UBE2L3: variants seen among roughly 807,000 people sequenced by gnomAD.
The protein encoded by UBE2L3 is ubiquitin-conjugating enzyme E2 L3.
A neutral mutation model predicts 17.8 loss-of-function variants in UBE2L3; 1 was observed. That is an observed-to-expected ratio of 0.06 (90% CI 0.02 to 0.27). The LOEUF (loss-of-function observed/expected upper bound fraction) is 0.27. Among genes scored for constraint, UBE2L3 ranks in the 10% least tolerant of loss-of-function variants. The pLI, the probability that UBE2L3 is intolerant of heterozygous loss-of-function variation, is 1.00. For missense variants in UBE2L3, 40 were observed against 192.6 expected, an observed-to-expected ratio of 0.21 and a Z score of 4.69; for synonymous variants, 44 against 68.5, an observed-to-expected ratio of 0.64 and a Z score of 1.76.
At chr22:21,558,719 A>G (rs1237826946) in intron 1 of UBE2L3, among the ~76,000 whole-genome samples, 4 of 151,912 alleles carry the variant, frequency 2.6e-5, no homozygotes, top group East Asian at 2.0e-4. Context: ...CAAACTCTTA[A>G]TCTCGAGTGA....
intron 1 of UBE2L3, among the ~76,000 whole-genome samples, 167 bp from the exon 2 acceptor site, chr22:21,592,694 T>C (rs1928328918): frequency 2.6e-5 from 4 of 152,200 alleles, no homozygotes. Context: ...GGGACCGCCA[T>C]GGCAGCTCCA....
intron 1 of UBE2L3, among the ~76,000 whole-genome samples, chr22:21,571,675 T>C (rs901343131): frequency 6.6e-6 from 1 of 152,234 alleles, no homozygotes; most frequent in African/African-American, 2.4e-5. Context: ...GTGCTGGGAT[T>C]ACAGGTGTGA....
intron 1 of UBE2L3, among the ~76,000 whole-genome samples, chr22:21,591,997 T>C (rs1458741179): frequency 6.6e-6 from 1 of 152,100 alleles, no homozygotes; most frequent in East Asian, 1.9e-4. Flanking sequence ...CACTGAGATG[T>C]TGGAGGCAAT....
At chr22:21,577,646 T>A (rs1927388747) in intron 1 of UBE2L3, among the ~76,000 whole-genome samples, 1 of 152,230 alleles carries the variant, frequency 6.6e-6, no homozygotes. Flanking sequence ...TTTAGATGGT[T>A]GCTTTTGGTC....
rs1374261468 is a variant in UBE2L3 at position 21,584,688 on chromosome 22, A to C, written c.28-8173A>C. Among the ~76,000 whole-genome samples, 6 of 149,474 alleles carry C rather than the reference A, an allele frequency of 4.0e-5. No individual in the cohort carries two copies. In the East Asian group the frequency reaches 6.3e-4, roughly 16 times the overall value. On this transcript the variant is annotated intron_variant, in intron 1 of 3. Coordinates refer to ENST00000342192, the MANE Select transcript of UBE2L3 (RefSeq NM_003347.4). ...CTCAAGTGATTTTCCCGCTTCGGCA[A>C]CCCAAAGTGCTGGGATTACAGGAGC...
intron 1 of UBE2L3, among the ~76,000 whole-genome samples, chr22:21,577,247 C>T (rs1265460591): frequency 1.3e-5 from 2 of 151,950 alleles, no homozygotes; most frequent in South Asian, 2.1e-4. Flanking sequence ...GTATTACAGG[C>T]GTGAGCCACC....
At chr22:21,604,053 A>T (rs756613186) in intron 2 of UBE2L3, among the ~76,000 whole-genome samples, 39 of 152,094 alleles carry the variant, frequency 2.6e-4, no homozygotes, top group Non-Finnish European at 4.6e-4. Context: ...CTGGAGTTTA[A>T]GTTTTTGAAC....
chr22:21,576,826 C>T (rs566526876), intron 1 of UBE2L3, among the ~76,000 whole-genome samples: 82 of 108,608 alleles, frequency 7.6e-4, no homozygotes, highest in Non-Finnish European at 1.2e-3. Flanking sequence ...TTTTTTGAGA[C>T]GCAGTCTCGC....
intron 1 of UBE2L3, among the ~76,000 whole-genome samples, chr22:21,562,615 C>T (rs1209230814): frequency 6.6e-6 from 1 of 151,426 alleles, no homozygotes; most frequent in African/African-American, 2.4e-5. Flanking sequence ...TCATGATCTG[C>T]CTGCCTCGGC....
Position 21,622,223 on chromosome 22 carries a change from T to C in UBE2L3, c.*554T>C, listed in dbSNP as rs564490841. ...CTGACTCCAGTTTATAACATCCTTT[T>C]AAAAAATTTAAAAACAAACAGCCAC... On this transcript the variant is annotated 3_prime_UTR_variant, in exon 4 of 4. Coordinates refer to ENST00000342192, the MANE Select transcript of UBE2L3 (RefSeq NM_003347.4). 1 of 152,776 alleles carries C rather than the reference T, an allele frequency of 6.5e-6. No homozygotes were observed. Among genetic ancestry groups the C allele is most frequent in the Non-Finnish European group, 1.5e-5 (1 of 68,340 alleles). The allele number at this position is 152,776 out of a possible 1,614,324, so 9.5% of individuals were successfully genotyped here. A position where few individuals can be genotyped will look rare whatever the true frequency, so the allele number is the denominator to read the frequency against.
chr22:21,586,162 T>A (rs1352789082), intron 1 of UBE2L3, among the ~76,000 whole-genome samples: 1 of 152,150 alleles, frequency 6.6e-6, no homozygotes, highest in Non-Finnish European at 1.5e-5. Context: ...AGGCTGGTCT[T>A]GAGTTCCTGT....
At chr22:21,575,252 C>A (rs1601398926) in intron 1 of UBE2L3, among the ~76,000 whole-genome samples, 1 of 136,634 alleles carries the variant, frequency 7.3e-6, no homozygotes, top group Non-Finnish European at 1.5e-5. Context: ...GAGTAAGACT[C>A]CATCTCAAAA....
chr22:21,599,038 C>T (rs1372078642), intron 2 of UBE2L3, among the ~76,000 whole-genome samples: 7 of 152,072 alleles, frequency 4.6e-5, no homozygotes, highest in Non-Finnish European at 8.8e-5. Context: ...CACAGGGTTT[C>T]GCCATGTTGG....
Position 21,610,922 on chromosome 22 carries a change from C to T in UBE2L3, c.189C>T (p.Phe63=), listed in dbSNP as rs1341834137. The change falls in exon 3 of 4, where the codon TTC becomes TTT. Residue 63 remains phenylalanine (F), a synonymous_variant. Transcript: ENST00000342192. ...TCAACTTTCCAGCAGAGTACCCATT[C>T]AAACCACCGAAGATCACATTTAAAA... The part of the protein sequence containing the change: ...IEINFPAEYP[F]KPPKITFKTK... 6.2e-7 allele frequency: 1 copy of T among 1,613,906 alleles called. No homozygotes were observed. The highest frequency in any genetic ancestry group is 8.5e-7 in the Non-Finnish European group (1 of 1,179,952).
intron 1 of UBE2L3, among the ~76,000 whole-genome samples, chr22:21,585,108 G>A (rs1348016025): frequency 1.3e-5 from 2 of 152,192 alleles, no homozygotes; most frequent in Admixed American, 6.5e-5. Flanking sequence ...GATTGTTCCT[G>A]GTAGGACATG....
At chr22:21,556,662 A>G (rs572224513) in intron 1 of UBE2L3, among the ~76,000 whole-genome samples, 53 of 133,926 alleles carry the variant, frequency 4.0e-4, no homozygotes, top group Middle Eastern at 8.7e-3. Context: ...GGGTCTTACC[A>G]TGTTGCCCAG....
At chr22:21,578,119 A>G (rs1034704566) in intron 1 of UBE2L3, among the ~76,000 whole-genome samples, 1 of 152,010 alleles carries the variant, frequency 6.6e-6, no homozygotes, top group Non-Finnish European at 1.5e-5. Flanking sequence ...GCACTTTGGG[A>G]GGCTGAGGTG....
intron 1 of UBE2L3, among the ~76,000 whole-genome samples, chr22:21,582,670 C>A (rs1439938387): frequency 6.6e-6 from 1 of 152,084 alleles, no homozygotes; most frequent in African/African-American, 2.4e-5. Context: ...GGATTACAGG[C>A]GCTTGCCACC....
At chr22:21,592,670 A>G (rs1017437620) in intron 1 of UBE2L3, among the ~76,000 whole-genome samples, 191 bp from the exon 2 acceptor site, 12 of 152,156 alleles carry the variant, frequency 7.9e-5, no homozygotes, top group Non-Finnish European at 1.5e-4. Context: ...GGGAGAGGCA[A>G]CAACCTTGCA....
Sources: gnomAD v4.1 joint callset for allele counts (sites outside exome capture counted in the v4.1 genomes callset) on GRCh38, gnomAD v4.1.1 for gene constraint, MANE v1.5 for transcripts, NCBI Gene and HGNC (gene_info 2026-07-23, HGNC 2026-07-21) for gene names.